The following AGBL1 variants were observed in gnomAD, a reference collection of about 807,000 sequenced individuals.
The protein encoded by AGBL1 is cytosolic carboxypeptidase 4.
Under a neutral mutation model 118.9 loss-of-function variants are expected in AGBL1, and 130 were observed. The observed-to-expected ratio is 1.09, with a 90% CI of 0.95 to 1.26. The LOEUF (loss-of-function observed/expected upper bound fraction) is 1.26. Among genes scored for constraint, AGBL1 ranks in the 50% most tolerant of loss-of-function variants. AGBL1 has a pLI of 0.00. For missense variants in AGBL1, 1,584 were observed against 1,298.1 expected (o/e 1.22, Z -3.38); for synonymous variants, 555 against 478.9 (o/e 1.16, Z -2.08).
At chr15:86,599,017 G>T (rs943686208) in intron 21 of AGBL1, among the ~76,000 whole-genome samples, 2 of 152,090 alleles carry the variant, frequency 1.3e-5, no homozygotes, top group African/African-American at 4.8e-5. Flanking sequence ...GGTTGAAATA[G>T]ATTATTAACT....
chr15:86,582,867 TG>T (rs1198728824), intron 21 of AGBL1, among the ~76,000 whole-genome samples: 1 of 43,028 alleles, frequency 2.3e-5, no homozygotes, highest in Admixed American at 2.8e-4. Context: ...GTTGTGGGGT[TG>T]GGGGAGGGGG....
intron 22 of AGBL1, among the ~76,000 whole-genome samples, chr15:86,871,615 T>G (rs1332572992): frequency 6.6e-6 from 1 of 152,192 alleles, no homozygotes; most frequent in Non-Finnish European, 1.5e-5. Flanking sequence ...CCTCATTGCC[T>G]CAGACTTGGG....
At chr15:86,364,492 C>T (rs940450096) in intron 17 of AGBL1, among the ~76,000 whole-genome samples, 1 of 152,122 alleles carries the variant, frequency 6.6e-6, no homozygotes, top group East Asian at 1.9e-4. Flanking sequence ...AAGCTTTAAT[C>T]TGGAATTTTA....
intron 18 of AGBL1, among the ~76,000 whole-genome samples, chr15:86,398,680 A>T (rs954394115): frequency 6.6e-6 from 1 of 152,178 alleles, no homozygotes; most frequent in African/African-American, 2.4e-5. Context: ...AAGAAAGATG[A>T]AATAATTCAA....
chr15:86,218,117 G>A (rs2078219613), intron 5 of AGBL1, among the ~76,000 whole-genome samples: 2 of 152,128 alleles, frequency 1.3e-5, no homozygotes, highest in Non-Finnish European at 2.9e-5. Flanking sequence ...TCCAACCAAG[G>A]ACCAATAGCT....
intron 18 of AGBL1, among the ~76,000 whole-genome samples, chr15:86,464,039 C>T (rs755532511): frequency 6.6e-6 from 1 of 152,202 alleles, no homozygotes; most frequent in South Asian, 2.1e-4. Flanking sequence ...GGCAGTATGG[C>T]CATTTTCACA....
At chr15:86,791,827 C>T (rs957009299) in intron 22 of AGBL1, among the ~76,000 whole-genome samples, 3 of 151,706 alleles carry the variant, frequency 2.0e-5, no homozygotes, top group African/African-American at 7.3e-5. Flanking sequence ...ACCCCCGCTT[C>T]CCAGGTTCAA....
intron 23 of AGBL1, among the ~76,000 whole-genome samples, chr15:86,933,488 A>T (rs1280322132): frequency 6.6e-6 from 1 of 152,090 alleles, no homozygotes; most frequent in Non-Finnish European, 1.5e-5. Context: ...GCTCTCATAG[A>T]TCTCATCTCT....
chr15:87,019,009 T>TA (rs57223145), intron 24 of AGBL1, among the ~76,000 whole-genome samples: 13,006 of 150,174 alleles, frequency 0.087, 1,852 homozygotes, highest in African/African-American at 0.3. Context: ...CCAACAAAGA[T>TA]AAAAAAAAAG....
chr15:86,506,265 A>G (rs11073639), intron 18 of AGBL1, among the ~76,000 whole-genome samples: 64,805 of 151,784 alleles, frequency 0.43, 15,157 homozygotes, highest in East Asian at 0.68. Flanking sequence ...TGTACATACA[A>G]CCCTATGCAT....
At chr15:86,710,950 A>C (rs895032261) in intron 22 of AGBL1, among the ~76,000 whole-genome samples, 3 of 152,200 alleles carry the variant, frequency 2.0e-5, no homozygotes, top group African/African-American at 7.2e-5. Flanking sequence ...GTTCTTGAGA[A>C]GAACAAATCC....
intron 5 of AGBL1, among the ~76,000 whole-genome samples, chr15:86,193,228 C>T (rs571885870): frequency 6.6e-6 from 1 of 152,182 alleles, no homozygotes; most frequent in Non-Finnish European, 1.5e-5. Context: ...CTTATTTTTG[C>T]CCAGCTTCCC....
chr15:86,098,801 T>A (rs1288105221), intron 1 of AGBL1, among the ~76,000 whole-genome samples: 1 of 147,624 alleles, frequency 6.8e-6, no homozygotes, highest in African/African-American at 2.5e-5. Flanking sequence ...TTCAAGCTCT[T>A]TTTTTTGGTT....
At chr15:86,238,218 C>T (rs569106835) in intron 6 of AGBL1, among the ~76,000 whole-genome samples, 2 of 152,282 alleles carry the variant, frequency 1.3e-5, no homozygotes, top group African/African-American at 4.8e-5. Context: ...TATCTGCCTC[C>T]CCCTGCCACT....
intron 24 of AGBL1, among the ~76,000 whole-genome samples, chr15:87,013,598 C>T (rs1032252355): frequency 3.3e-5 from 5 of 151,782 alleles, no homozygotes; most frequent in Admixed American, 3.3e-4. Context: ...GGAAGGGTTC[C>T]AAGACCCATG....
At chr15:86,257,535 T>C (rs1309754341) in intron 8 of AGBL1, among the ~76,000 whole-genome samples, 1 of 152,222 alleles carries the variant, frequency 6.6e-6, no homozygotes, top group Non-Finnish European at 1.5e-5. Context: ...ACAAGATGCC[T>C]TCTATGGACT....
intron 22 of AGBL1, among the ~76,000 whole-genome samples, chr15:86,741,398 A>G (rs1274596644): frequency 8.7e-6 from 1 of 114,318 alleles, no homozygotes; most frequent in Non-Finnish European, 1.9e-5. Flanking sequence ...AAAAAAAAAA[A>G]AAAAAAAAAA....
chr15:86,782,296 A>G (rs560881884), intron 22 of AGBL1, among the ~76,000 whole-genome samples: 7 of 152,148 alleles, frequency 4.6e-5, no homozygotes, highest in African/African-American at 7.2e-5. Context: ...TATTTTCCAT[A>G]TATAATGTCT....
rs1349567821 is a variant in AGBL1 at position 86,099,602 on chromosome 15, C to T, written c.51+19579C>T. On this transcript the variant is annotated intron_variant, in intron 1 of 22. Coordinates refer to ENST00000614907, the MANE Select transcript of AGBL1 (RefSeq NM_001386094.1). Reference sequence around the variant, plus strand: ...TTGCCCAGGCTGGAGTGCAGTGGTGCGATCTTGGCTCACTGCAACCTCCGC... The same window carrying T: ...TTGCCCAGGCTGGAGTGCAGTGGTGTGATCTTGGCTCACTGCAACCTCCGC... 5.4e-5 allele frequency among the ~76,000 whole-genome samples: 8 copies of T among 148,202 alleles called. 1 individual carries two copies. The highest frequency in any genetic ancestry group is 1.5e-4 in the African/African-American group (6 of 39,954).
Sources: gnomAD v4.1 joint callset for allele counts (sites outside exome capture counted in the v4.1 genomes callset) on GRCh38, gnomAD v4.1.1 for gene constraint, MANE v1.5 for transcripts, NCBI Gene and HGNC (gene_info 2026-07-23, HGNC 2026-07-21) for gene names.